HDAC9: variants seen among roughly 807,000 people sequenced by gnomAD.
HDAC9 encodes the protein MEF-2 interacting transcription repressor (MITR) protein.
HDAC9 carries 41 observed loss-of-function variants against 139.4 expected under a neutral mutation model. That is an observed-to-expected ratio of 0.29 (90% confidence interval 0.23 to 0.38). The LOEUF is 0.38. Ranked by LOEUF, HDAC9 falls within the 10% of genes least tolerant of loss-of-function variation. The pLI, the probability that HDAC9 is intolerant of heterozygous loss-of-function variation, is 1.00. For missense variants in HDAC9, 1,147 were observed against 1,297.0 expected (o/e 0.88, Z 1.78); for synonymous variants, 517 against 476.2 (o/e 1.09, Z -1.12).
intron 2 of HDAC9, among the ~76,000 whole-genome samples, chr7:18,270,180 TAGAC>T (rs1425838322): frequency 4.6e-5 from 7 of 151,986 alleles, no homozygotes; most frequent in Admixed American, 3.9e-4. Context: ...TCCACTGTAA[TAGAC>T]AGTGAACTCC....
At chr7:18,170,646 G>C (rs990015010) in intron 2 of HDAC9, among the ~76,000 whole-genome samples, 2 of 152,132 alleles carry the variant, frequency 1.3e-5, no homozygotes, top group Admixed American at 1.3e-4. Context: ...AAGGGATCCA[G>C]TTTCAGCTTT....
At chr7:18,931,843 A>C (rs1403757090) in intron 22 of HDAC9, among the ~76,000 whole-genome samples, 1 of 152,162 alleles carries the variant, frequency 6.6e-6, no homozygotes, top group East Asian at 1.9e-4. Flanking sequence ...GTTGAGGGGC[A>C]GAGAGGGAGG....
intron 1 of HDAC9, among the ~76,000 whole-genome samples, chr7:18,091,154 T>C (rs1782116786): frequency 6.6e-6 from 1 of 152,228 alleles, no homozygotes; most frequent in Non-Finnish European, 1.5e-5. Flanking sequence ...TACTCTTCCA[T>C]TCCCTAAATT....
intron 2 of HDAC9, among the ~76,000 whole-genome samples, chr7:18,166,127 G>A (rs547363312): frequency 9.8e-5 from 15 of 152,288 alleles, no homozygotes; most frequent in Non-Finnish European, 2.9e-5. Flanking sequence ...TAATTTTGAT[G>A]AAAACGCATC....
At chr7:18,401,051 T>G (rs1271465539) in intron 1 of HDAC9, among the ~76,000 whole-genome samples, 1 of 152,216 alleles carries the variant, frequency 6.6e-6, no homozygotes, top group East Asian at 1.9e-4. Context: ...ATGGGCTTTC[T>G]GGAGAAAATA....
intron 1 of HDAC9, among the ~76,000 whole-genome samples, chr7:18,417,724 C>A (rs1032161085): frequency 1.3e-5 from 2 of 152,140 alleles, no homozygotes; most frequent in African/African-American, 4.8e-5. Context: ...CTGGTAGGAA[C>A]AGCATTCTTC....
chr7:18,629,617 C>A, intron 7 of HDAC9, 136 bp downstream of exon 7: 2 of 858,162 alleles, frequency 2.3e-6, no homozygotes, highest in South Asian at 2.1e-5. Flanking sequence ...ATATTGAAAA[C>A]TCACAAGTAG....
At chr7:18,776,476 G>A (rs186542479) in intron 16 of HDAC9, among the ~76,000 whole-genome samples, 1 of 152,150 alleles carries the variant, frequency 6.6e-6, no homozygotes, top group African/African-American at 2.4e-5. Context: ...CCTATTGTAT[G>A]CCTGGAACTG....
At chr7:18,436,298 A>G (rs1791197212) in intron 1 of HDAC9, among the ~76,000 whole-genome samples, 1 of 152,204 alleles carries the variant, frequency 6.6e-6, no homozygotes, top group African/African-American at 2.4e-5. Context: ...TGCAAATTTT[A>G]TTATTGCTAC....
intron 17 of HDAC9, among the ~76,000 whole-genome samples, chr7:18,814,029 C>G (rs1157774940): frequency 6.6e-6 from 1 of 152,132 alleles, no homozygotes; most frequent in Non-Finnish European, 1.5e-5. Context: ...CTATTTCCAG[C>G]CTCTTCATCT....
chr7:18,876,191 C>T (rs958639580), intron 22 of HDAC9, among the ~76,000 whole-genome samples: 2 of 152,196 alleles, frequency 1.3e-5, no homozygotes, highest in African/African-American at 4.8e-5. Context: ...TCTACCACTT[C>T]TAGGTTTAGT....
intron 12 of HDAC9, among the ~76,000 whole-genome samples, chr7:18,723,854 C>T (rs1785323116): frequency 6.6e-6 from 1 of 152,144 alleles, no homozygotes. Context: ...CATGGCCTTT[C>T]ATTTCCAAAT....
At chr7:18,381,644 T>C (rs564992814) in intron 1 of HDAC9, among the ~76,000 whole-genome samples, 1 of 152,236 alleles carries the variant, frequency 6.6e-6, no homozygotes. Flanking sequence ...ATTCATTCAG[T>C]ACTCAAATTT....
chr7:18,379,391 G>A (rs927251699), intron 1 of HDAC9, among the ~76,000 whole-genome samples: 21 of 152,144 alleles, frequency 1.4e-4, no homozygotes. Flanking sequence ...GCTTTGTCTT[G>A]CTATGAGAAA....
chr7:18,991,004 T>A (rs1269746395), intron 25 of HDAC9, among the ~76,000 whole-genome samples: 1 of 152,222 alleles, frequency 6.6e-6, no homozygotes, highest in Non-Finnish European at 1.5e-5. Context: ...TCACCCGTCT[T>A]CTGCGTTGCC....
At chr7:18,196,130 A>G (rs1263786362) in intron 2 of HDAC9, among the ~76,000 whole-genome samples, 3 of 152,312 alleles carry the variant, frequency 2.0e-5, no homozygotes, top group Admixed American at 1.3e-4. Flanking sequence ...ACCTCTTTAT[A>G]TATCCATTGC....
At chr7:18,726,175 CA>C (rs1785530784) in intron 12 of HDAC9, among the ~76,000 whole-genome samples, 1 of 152,176 alleles carries the variant, frequency 6.6e-6, no homozygotes, top group Non-Finnish European at 1.5e-5. Flanking sequence ...GAGAAAGCTA[CA>C]ATTACGTAAA....
intron 25 of HDAC9, among the ~76,000 whole-genome samples, chr7:18,990,631 G>T (rs1785819435): frequency 6.6e-6 from 1 of 152,238 alleles, no homozygotes; most frequent in African/African-American, 2.4e-5. Flanking sequence ...GCAATGGCGG[G>T]CGCCCCTCCC....
chr7:18,886,544 T>C (rs1332509136), intron 22 of HDAC9, among the ~76,000 whole-genome samples: 1 of 152,200 alleles, frequency 6.6e-6, no homozygotes, highest in East Asian at 1.9e-4. Context: ...GTTTTTTTAA[T>C]TTTCATAGTG....
Sources: allele counts gnomAD v4.1 joint callset (sites outside exome capture counted in the v4.1 genomes callset), GRCh38; gene constraint gnomAD v4.1.1; transcripts MANE v1.5; gene names NCBI Gene and HGNC (gene_info 2026-07-23, HGNC 2026-07-21).